WDR27: variants seen among roughly 807,000 people sequenced by gnomAD.
The protein encoded by WDR27 is WD repeat domain 27, also known as WD repeat-containing protein 27.
Under a neutral mutation model 114.4 loss-of-function variants are expected in WDR27, and 100 were observed. The ratio of observed to expected loss-of-function variants is 0.87; its 90% CI spans 0.74 to 1.03. WDR27 has a LOEUF of 1.03. Among genes scored for constraint, WDR27 ranks in the 50% least tolerant of loss-of-function variants. The probability of loss-of-function intolerance (pLI) is 0.00; values close to 1 mark genes in which losing one functional copy is unlikely to be tolerated. For synonymous variants in WDR27, 449 were observed against 423.1 expected (o/e 1.06, Z -0.75); for missense variants, 1,129 against 1,092.9 (o/e 1.03, Z -0.47).
chr6:169,499,325 G>A (rs147069634), intron 25 of WDR27, among the ~76,000 whole-genome samples: 31 of 152,368 alleles, frequency 2.0e-4, no homozygotes, highest in African/African-American at 7.0e-4. Context: ...GATGTGTGAG[G>A]CAGGGCTCTG....
intron 25 of WDR27, among the ~76,000 whole-genome samples, chr6:169,571,139 C>T (rs1801342844): frequency 6.6e-6 from 1 of 152,166 alleles, no homozygotes; most frequent in African/African-American, 2.4e-5. Context: ...TGTAACCTTT[C>T]CTCCAGGTAT....
chr6:169,452,677 A>G (rs546642080), downstream of WDR27, among the ~76,000 whole-genome samples: 15 of 152,360 alleles, frequency 9.8e-5, no homozygotes, highest in Middle Eastern at 3.4e-3. Flanking sequence ...GGACAAAGCC[A>G]GGGCTGGAGA....
chr6:169,498,976 C>A (rs777174414), intron 25 of WDR27, among the ~76,000 whole-genome samples: 5 of 152,182 alleles, frequency 3.3e-5, no homozygotes, highest in Admixed American at 6.5e-5. Flanking sequence ...CATGCACCCA[C>A]ACGAGTACGA....
At chr6:169,654,203 T>C (rs1823388515) in intron 13 of WDR27, among the ~76,000 whole-genome samples, 1 of 152,236 alleles carries the variant, frequency 6.6e-6, no homozygotes. Flanking sequence ...ATGGGATTTA[T>C]CCCTGACATA....
intron 24 of WDR27, among the ~76,000 whole-genome samples, chr6:169,572,795 T>C (rs1254939432): frequency 6.6e-6 from 1 of 152,192 alleles, no homozygotes; most frequent in Non-Finnish European, 1.5e-5. Context: ...GTAATACTAC[T>C]TGTTGAGAAA....
Position 169,668,114 on chromosome 6 carries a change from G to A in WDR27, c.528C>T (p.Phe176=), listed in dbSNP as rs947424957. 65 of 1,613,930 alleles carry A rather than the reference G, an allele frequency of 4.0e-5. No individual in the cohort carries two copies. Among genetic ancestry groups the A allele is most frequent in the Non-Finnish European group, 5.4e-5 (64 of 1,179,902 alleles). ...NNRHKVPPPT[F]LHTFSQTQAV... ...CCTGAGTCTGAGAGAATGTGTGCAG[G>A]AAGGTCGGTGGTGGGACTTTGTGGC... Residue 176 remains phenylalanine, a synonymous_variant, in exon 5 of 26, where the codon TTC becomes TTT. Transcript: ENST00000448612.
chr6:169,550,814 C>G (rs1010276972), intron 25 of WDR27, among the ~76,000 whole-genome samples: 1 of 152,150 alleles, frequency 6.6e-6, no homozygotes, highest in African/African-American at 2.4e-5. Flanking sequence ...CTCCTGGGCT[C>G]AAGCAATCCT....
intron 21 of WDR27, among the ~76,000 whole-genome samples, chr6:169,619,712 A>G (rs561522939): frequency 3.3e-5 from 5 of 152,316 alleles, no homozygotes; most frequent in Admixed American, 3.3e-4. Flanking sequence ...AAGATAAAAG[A>G]CTGTGGAGAC....
intron 25 of WDR27, among the ~76,000 whole-genome samples, chr6:169,459,120 T>C (rs1461880356): frequency 1.3e-5 from 2 of 152,072 alleles, no homozygotes; most frequent in African/African-American, 4.8e-5. Flanking sequence ...TAATAGAAAT[T>C]GCCTCTGAAA....
rs545178213 is a variant in WDR27 at position 169,665,576 on chromosome 6, A to G, written c.713-20T>C. 2 of 1,609,520 alleles carry G rather than the reference A, an allele frequency of 1.2e-6. No homozygotes were observed. The highest frequency in any genetic ancestry group is 1.3e-5 in the African/African-American group (1 of 74,872). ...GATATGCTGGTGAAAGGAACATCGGAAAATTTAGCTTTGTAAGTGCCTGGT... is the reference window on the plus strand; with the variant it reads ...GATATGCTGGTGAAAGGAACATCGGGAAATTTAGCTTTGTAAGTGCCTGGT... On this transcript the variant is annotated intron_variant, in intron 6 of 25. Transcript: ENST00000448612.
chr6:169,670,139 G>A (rs140692481), intron 4 of WDR27: 1,908 of 157,392 alleles, frequency 0.012, 28 homozygotes, highest in African/African-American at 0.043. Flanking sequence ...TCACACACGA[G>A]GTCGAAATCA....
At chr6:169,562,479 G>A (rs1049878742) in intron 25 of WDR27, among the ~76,000 whole-genome samples, 2 of 152,136 alleles carry the variant, frequency 1.3e-5, no homozygotes, top group Non-Finnish European at 2.9e-5. Context: ...ACAATTTGGG[G>A]GATCCCCTAA....
chr6:169,468,353 C>G (rs1168430532), intron 25 of WDR27, among the ~76,000 whole-genome samples: 2 of 152,236 alleles, frequency 1.3e-5, no homozygotes, highest in African/African-American at 4.8e-5. Flanking sequence ...GTTTACCTGA[C>G]TCACAGTTCT....
intron 21 of WDR27, among the ~76,000 whole-genome samples, chr6:169,621,489 CAT>C (rs1370468793): frequency 3.3e-5 from 5 of 152,218 alleles, no homozygotes; most frequent in African/African-American, 9.6e-5. Context: ...TGCATGCACA[CAT>C]ATACATACCC....
At chr6:169,564,523 T>A (rs1800149179) in intron 25 of WDR27, among the ~76,000 whole-genome samples, 1 of 152,138 alleles carries the variant, frequency 6.6e-6, no homozygotes, top group Non-Finnish European at 1.5e-5. Context: ...TGCTTTGTGG[T>A]TCCTGGATCC....
the WDR27 span, among the ~76,000 whole-genome samples, chr6:169,432,272 T>C: frequency 6.6e-6 from 1 of 152,236 alleles, no homozygotes; most frequent in Admixed American, 6.5e-5. Flanking sequence ...ATAACTCTTA[T>C]CTTTTAAATC....
chr6:169,539,195 G>C (rs1476002598), intron 25 of WDR27, among the ~76,000 whole-genome samples: 5 of 152,150 alleles, frequency 3.3e-5, no homozygotes. Flanking sequence ...TCTTCTGACA[G>C]CCTCACCACA....
At chr6:169,452,756 G>A (rs1784208814), downstream of WDR27, among the ~76,000 whole-genome samples, 2 of 152,274 alleles carry the variant, frequency 1.3e-5, no homozygotes, top group Non-Finnish European at 2.9e-5. Context: ...ACGGCCAAAT[G>A]TGGAAATTGG....
intron 16 of WDR27, among the ~76,000 whole-genome samples, chr6:169,644,506 G>C (rs368084866): frequency 1.3e-4 from 19 of 145,922 alleles, no homozygotes; most frequent in Middle Eastern, 3.5e-3. Context: ...CTGTAGAAAA[G>C]CCTAGTTCAC....
Sources: gnomAD v4.1 joint callset for allele counts (sites outside exome capture counted in the v4.1 genomes callset) on GRCh38, gnomAD v4.1.1 for gene constraint, MANE v1.5 for transcripts, NCBI Gene and HGNC (gene_info 2026-07-23, HGNC 2026-07-21) for gene names.